PEX1: variants seen among roughly 807,000 people sequenced by gnomAD.
PEX1 encodes peroxisomal ATPase PEX1.
A neutral mutation model predicts 152.5 loss-of-function variants in PEX1; 97 were observed. That is an observed-to-expected ratio of 0.64 (90% CI 0.54 to 0.75). The LOEUF (loss-of-function observed/expected upper bound fraction) is 0.75. Among genes scored for constraint, PEX1 ranks in the 30% least tolerant of loss-of-function variants. The pLI is 0.00. For missense variants in PEX1, 1,357 were observed against 1,516.3 expected (o/e 0.89, Z 1.74); for synonymous variants, 485 against 531.6 (o/e 0.91, Z 1.21).
intron 12 of PEX1, 85 bp from the exon 13 acceptor site, chr7:92,503,280 T>C (rs898625349): frequency 2.9e-5 from 35 of 1,216,962 alleles, no homozygotes; most frequent in Non-Finnish European, 4.1e-5. Context: ...ATAATGATAC[T>C]CTAAGGTTGA....
At chr7:92,523,989 A>G (rs1793159272) in intron 1 of PEX1, among the ~76,000 whole-genome samples, 1 of 152,202 alleles carries the variant, frequency 6.6e-6, no homozygotes, top group Non-Finnish European at 1.5e-5. Flanking sequence ...GTTTGAGCCC[A>G]GAAGTTCAAA....
At chr7:92,499,464 G>A (rs777441812) in intron 16 of PEX1, among the ~76,000 whole-genome samples, 18 of 152,278 alleles carry the variant, frequency 1.2e-4, no homozygotes, top group Non-Finnish European at 2.5e-4. Flanking sequence ...CATATTGCAT[G>A]ATTTGTTTTA....
Position 92,510,963 on chromosome 7 carries a change from A to G in PEX1, c.1568T>C (p.Leu523Pro). The G allele has an allele frequency of 6.5e-7, 1 of 1,542,286 alleles. No individual in the cohort carries two copies. Among genetic ancestry groups the G allele is most frequent in the Non-Finnish European group, 9.0e-7 (1 of 1,115,252 alleles). The part of the protein sequence containing the change: ...KNIFLLSPNL[L>P]QKTTIQVLLD... ...TATTACTTGTATTGTAGTCTTCTGC[A>G]GCAAATTGGGACTCAACAGAAAAAT... The change falls in exon 8 of 24, where the codon CTG becomes CCG. Residue 523 changes from leucine to proline, a missense_variant. Physicochemically the swap from Leu to Pro is moderately conservative, Grantham distance 98. Coordinates refer to ENST00000248633, the MANE Select transcript of PEX1 (RefSeq NM_000466.3).
In PEX1 at chr7:92,506,226, TAG is replaced by T. The variant is rs2116175677; in HGVS notation, c.1900+20_1900+21del. 1.6e-6 allele frequency: 2 copies of T among 1,261,786 alleles called. No homozygotes were observed. The highest frequency in any genetic ancestry group is 1.2e-6 in the Non-Finnish European group (1 of 858,344). 78.2% of individuals were successfully genotyped at this position (1,261,786 alleles called of 1,614,324 possible). On this transcript the variant is annotated intron_variant, in intron 11 of 23. Coordinates refer to ENST00000248633, the MANE Select transcript of PEX1 (RefSeq NM_000466.3). ...CTTTCTAATGAAAAAGGGATTTATA[TAG>T]AGTGTTACCATACTCATACCTCGTA...
Position 92,502,060 on chromosome 7 carries a change from A to C in PEX1, c.2246T>G (p.Leu749Arg). The C allele has an allele frequency of 6.2e-7, 1 of 1,606,470 alleles. No homozygotes were observed. Among genetic ancestry groups the C allele is most frequent in the Non-Finnish European group, 8.5e-7 (1 of 1,173,780 alleles). ...PPNQEQRCEI[L>R]CNVIKNKLDC... ...CAATTTATTTTTTATTACATTACAC[A>C]GAATTTCACATCTTTGTTCCTAAAG... The change falls in exon 14 of 24, where the codon CTG (leucine) becomes CGG (arginine). Residue 749 changes from leucine to arginine, a missense_variant. By Grantham distance (102) the Leu-to-Arg change is moderately radical. Transcript: ENST00000248633.
intron 20 of PEX1, among the ~76,000 whole-genome samples, chr7:92,491,826 C>CCATGTTATAGAGTGCTTTCT (rs1394523341): frequency 2.6e-5 from 4 of 152,090 alleles, no homozygotes; most frequent in African/African-American, 9.7e-5. Context: ...GATGAATCAA[C>CCATGTTATAGAGTGCTTTCT]CATGTTATAG....
intron 20 of PEX1, among the ~76,000 whole-genome samples, chr7:92,491,856 G>T (rs886628729): frequency 1.3e-5 from 2 of 152,060 alleles, no homozygotes; most frequent in African/African-American, 2.4e-5. Flanking sequence ...TCATTATAGA[G>T]AGCTCTACAA....
chr7:92,513,545 G>C (rs1200562221), intron 6 of PEX1, among the ~76,000 whole-genome samples: 2 of 152,256 alleles, frequency 1.3e-5, no homozygotes, highest in Admixed American at 1.3e-4. Context: ...ACCAGGGACT[G>C]GGGAAAGGAG....
At position 92,494,561 on chromosome 7, in the gene PEX1, T is replaced by G. The variant is rs1231877206; in HGVS notation, c.2852A>C (p.His951Pro). ...TCGGTCTGTAACTCCTGTATTATCA[T>G]GACCCCGCCGAGGAGCAATGGATTC... Reference protein sequence around the residue: ...EFESIAPRRGHDNTGVTDRVV... With the variant: ...EFESIAPRRGPDNTGVTDRVV... The change falls in exon 18 of 24, where the codon CAT becomes CCT. Residue 951 changes from histidine (H) to proline (P), a missense_variant. By Grantham distance (77) the His-to-Pro change is moderately conservative. Transcript: ENST00000248633. 1 of 1,613,844 alleles carries G rather than the reference T, an allele frequency of 6.2e-7. No homozygotes were observed. The highest frequency in any genetic ancestry group is 8.5e-7 in the Non-Finnish European group (1 of 1,179,852).
chr7:92,509,539 T>C (rs550175126), intron 8 of PEX1, 128 bp from the exon 9 acceptor site: 12 of 682,418 alleles, frequency 1.8e-5, no homozygotes, highest in Admixed American at 8.6e-5. Flanking sequence ...TGCAAGATCA[T>C]TATTTAAACA....
chr7:92,490,957 C>G (rs1791274283), intron 21 of PEX1, among the ~76,000 whole-genome samples: 1 of 152,132 alleles, frequency 6.6e-6, no homozygotes. Context: ...TTCATGATAA[C>G]AGAATTTAAG....
At chr7:92,498,232 G>A (rs1333819457) in intron 16 of PEX1, among the ~76,000 whole-genome samples, 7 of 151,948 alleles carry the variant, frequency 4.6e-5, no homozygotes, top group East Asian at 3.9e-4. Context: ...AGCTGGGCAC[G>A]GTAGCTCACG....
Position 92,503,095 on chromosome 7 carries a change from A to G in PEX1, c.2172T>C (p.Ser724=). 1 of 1,613,882 alleles carries G rather than the reference A, an allele frequency of 6.2e-7. No homozygotes were observed. The highest frequency in any genetic ancestry group is 8.5e-7 in the Non-Finnish European group (1 of 1,179,818). The change falls in exon 13 of 24, where the codon TCT becomes TCC. Residue 724 remains serine (S), a synonymous_variant. Coordinates refer to ENST00000248633, the MANE Select transcript of PEX1 (RefSeq NM_000466.3). ...ACTGAAATATGTGAACTCCTTGAGCAGAAACAAGTAAAGGATGTAGAGATT... is the reference window on the plus strand; with the variant it reads ...ACTGAAATATGTGAACTCCTTGAGCGGAAACAAGTAAAGGATGTAGAGATT... ...SQQSLHPLLV[S]AQGVHIFQCV...
Position 92,489,742 on chromosome 7 carries a change from A to T in PEX1, c.3608T>A (p.Ile1203Asn). The T allele has an allele frequency of 6.2e-7, 1 of 1,614,152 alleles. No individual in the cohort carries two copies. ...ACTTTGGCTCCGGTATCTGCCTTTG[A>T]TAATACTGATATCTGCCCTCAGTTG... Reference protein sequence around the residue: ...RDQLRADISIIKGRYRSQSGE... With the variant: ...RDQLRADISINKGRYRSQSGE... The change falls in exon 22 of 24, where the codon ATC becomes AAC. Residue 1203 changes from isoleucine (I) to asparagine (N), a missense_variant. Ile to Asn is a moderately radical substitution (Grantham distance 149). Transcript: ENST00000248633.
chr7:92,494,193 G>A (rs1249921156), intron 19 of PEX1, 100 bp downstream of exon 19: 7 of 852,616 alleles, frequency 8.2e-6, no homozygotes, highest in East Asian at 5.2e-5. Flanking sequence ...TAAGAAAGCT[G>A]GTCTTCTAAG....
intron 23 of PEX1, 127 bp downstream of exon 23, chr7:92,489,164 CAT>C (rs1405151853): frequency 1.3e-5 from 11 of 863,282 alleles, no homozygotes; most frequent in Admixed American, 1.0e-4. Context: ...AGCTACGACA[CAT>C]ATTTTTTGAA....
At chr7:92,516,325 G>A (rs890890487) in intron 5 of PEX1, among the ~76,000 whole-genome samples, 3 of 152,084 alleles carry the variant, frequency 2.0e-5, no homozygotes, top group African/African-American at 4.8e-5. Flanking sequence ...TACTCAGGAG[G>A]CTGAGGCAGG....
chr7:92,526,780 C>CAGG (rs2116288176), intron 1 of PEX1, among the ~76,000 whole-genome samples: 1 of 152,240 alleles, frequency 6.6e-6, no homozygotes, highest in South Asian at 2.1e-4. Flanking sequence ...CGTGTGTATA[C>CAGG]AGGACCTCAT....
At chr7:92,497,280 A>C (rs2116114924) in intron 16 of PEX1, among the ~76,000 whole-genome samples, 1 of 152,318 alleles carries the variant, frequency 6.6e-6, no homozygotes, top group East Asian at 1.9e-4. Flanking sequence ...GTATTGGATA[A>C]TAGTTTTTCC....
Sources: gnomAD v4.1 joint callset for allele counts (sites outside exome capture counted in the v4.1 genomes callset) on GRCh38, gnomAD v4.1.1 for gene constraint, MANE v1.5 for transcripts, NCBI Gene and HGNC (gene_info 2026-07-23, HGNC 2026-07-21) for gene names.